Variants in STPG1 observed in about 807,000 individuals in gnomAD.
STPG1 encodes sperm tail PG-rich repeat containing 1.
A neutral mutation model predicts 40.1 loss-of-function variants in STPG1; 33 were observed. The ratio of observed to expected loss-of-function variants is 0.82; its 90% confidence interval spans 0.62 to 1.10. The LOEUF (loss-of-function observed/expected upper bound fraction) is 1.10. STPG1 is among the 50% of genes least tolerant of loss of function. The pLI, the probability that STPG1 is intolerant of heterozygous loss-of-function variation, is 0.00. For missense variants in STPG1, 396 were observed against 415.1 expected (o/e 0.95, Z 0.40); for synonymous variants, 150 against 155.0 (o/e 0.97, Z 0.24).
intron 3 of STPG1, among the ~76,000 whole-genome samples, chr1:24,388,631 C>A (rs780386306): frequency 1.3e-5 from 2 of 152,172 alleles, no homozygotes; most frequent in Non-Finnish European, 2.9e-5. Flanking sequence ...AGGACTACTG[C>A]GAGGAGGCAG....
At chr1:24,374,247 T>G (rs1332236870) in intron 5 of STPG1, among the ~76,000 whole-genome samples, 2 of 85,866 alleles carry the variant, frequency 2.3e-5, no homozygotes, top group East Asian at 3.7e-4. Context: ...GGAAAGTGTT[T>G]TTTTTTTTTG....
chr1:24,387,031 G>A (rs1642537969), intron 3 of STPG1, among the ~76,000 whole-genome samples: 1 of 152,146 alleles, frequency 6.6e-6, no homozygotes. Flanking sequence ...CACCACGCAC[G>A]ATGTTGCCTG....
chr1:24,361,982 C>T (rs925415562), intron 7 of STPG1, among the ~76,000 whole-genome samples: 2 of 152,180 alleles, frequency 1.3e-5, no homozygotes, highest in African/African-American at 4.8e-5. Context: ...ACTCTCCCAA[C>T]CATGTAATAG....
chr1:24,377,775 A>T (rs1249777514), intron 5 of STPG1, among the ~76,000 whole-genome samples: 1 of 152,194 alleles, frequency 6.6e-6, no homozygotes, highest in South Asian at 2.1e-4. Context: ...GGCTGGAATG[A>T]GGTGACTTTG....
chr1:24,364,197 C>T, intron 7 of STPG1: 2 of 1,515,902 alleles, frequency 1.3e-6, no homozygotes, highest in Admixed American at 2.3e-5. Flanking sequence ...AAACTTCTCT[C>T]CTCCACCCAC....
chr1:24,412,293 T>G (rs1310312579), intron 1 of STPG1, among the ~76,000 whole-genome samples: 2 of 152,178 alleles, frequency 1.3e-5, no homozygotes, highest in African/African-American at 4.8e-5. Context: ...CATGGGGAGC[T>G]CCTTTCCTCA....
chr1:24,388,232 GGT>G (rs1173460049), intron 3 of STPG1, among the ~76,000 whole-genome samples: 1 of 152,094 alleles, frequency 6.6e-6, no homozygotes, highest in African/African-American at 2.4e-5. Context: ...TGTCCTTAGG[GGT>G]ACACAGTTTG....
chr1:24,403,129 A>C (rs1570097085), intron 1 of STPG1, among the ~76,000 whole-genome samples: 1 of 152,172 alleles, frequency 6.6e-6, no homozygotes, highest in Non-Finnish European at 1.5e-5. Flanking sequence ...AACTGTGTAT[A>C]CAGTATTAAG....
At chr1:24,402,913 T>G (rs1240065960) in intron 1 of STPG1, among the ~76,000 whole-genome samples, 1 of 152,210 alleles carries the variant, frequency 6.6e-6, no homozygotes, top group East Asian at 1.9e-4. Flanking sequence ...TTTGCCTTTT[T>G]ATTTTCTTAA....
chr1:24,375,785 C>T (rs1166485274), intron 5 of STPG1, among the ~76,000 whole-genome samples: 1 of 152,010 alleles, frequency 6.6e-6, no homozygotes, highest in Admixed American at 6.6e-5. Context: ...TTATTTTTCA[C>T]CCAGACAGAA....
At position 24,373,787 on chromosome 1, in the gene STPG1, C is replaced by G; in HGVS notation, c.486G>C (p.Gln162His). The G allele has an allele frequency of 6.2e-7, 1 of 1,609,792 alleles. No individual in the cohort carries two copies. Among genetic ancestry groups the G allele is most frequent in the Non-Finnish European group, 8.5e-7 (1 of 1,176,274 alleles). The change falls in exon 6 of 9, where the codon CAG (glutamine) becomes CAC (histidine). Residue 162 changes from glutamine to histidine, a missense_variant. Physicochemically the swap from Gln to His is conservative, Grantham distance 24 (BLOSUM62 0). Coordinates refer to ENST00000337248, the MANE Select transcript of STPG1 (RefSeq NM_001199013.2). ...CGGCTCGAGTACAGACGTTGTTTCT[C>G]TGCTTGCAGCAAGAGACAGAGGCCT... ...YYNASVSCCK[Q>H]RNNVCTRAGF...
At chr1:24,387,530 C>A (rs1275432113) in intron 3 of STPG1, among the ~76,000 whole-genome samples, 3 of 152,120 alleles carry the variant, frequency 2.0e-5, no homozygotes, top group Admixed American at 6.5e-5. Context: ...GTCTGAGGAC[C>A]AGGAGCTGCT....
At chr1:24,370,658 AT>A in intron 6 of STPG1, among the ~76,000 whole-genome samples, 1 of 151,810 alleles carries the variant, frequency 6.6e-6, no homozygotes. Flanking sequence ...CGCCTGGCTA[AT>A]TTTTTGTATT....
chr1:24,364,616 T>C (rs1017888308), intron 7 of STPG1: 2 of 532,782 alleles, frequency 3.8e-6, no homozygotes, highest in Admixed American at 4.5e-5. Context: ...GCTGGCAGCA[T>C]GTAAAGGAGC....
chr1:24,365,675 C>T (rs779256928), intron 7 of STPG1, among the ~76,000 whole-genome samples: 10 of 152,236 alleles, frequency 6.6e-5, no homozygotes, highest in Non-Finnish European at 1.3e-4. Context: ...AGAGGACCCG[C>T]TCACCTGCTT....
In STPG1 at chr1:24,374,360, G is replaced by A. The variant is rs1641918488; in HGVS notation, c.463-550C>T. Reference sequence around the variant, plus strand: ...TGCAAGCTCTGCCTCCCGGGTTCACGCCATTCTCCTGCCTCAGCCTCCGGA... The same window carrying A: ...TGCAAGCTCTGCCTCCCGGGTTCACACCATTCTCCTGCCTCAGCCTCCGGA... On this transcript the variant is annotated intron_variant, in intron 5 of 8. Transcript: ENST00000337248. Among the ~76,000 whole-genome samples, 3 of 133,674 alleles carry A rather than the reference G, an allele frequency of 2.2e-5. No homozygotes were observed. The Admixed American group carries it at 2.6e-4, about 12-fold the overall frequency. 87.7% of individuals were successfully genotyped at this position (133,674 alleles called of 152,430 possible). A position where few individuals can be genotyped will look rare whatever the true frequency, so the allele number is the denominator to read the frequency against.
At chr1:24,366,386 C>T (rs534566940) in intron 7 of STPG1, among the ~76,000 whole-genome samples, 1 of 152,298 alleles carries the variant, frequency 6.6e-6, no homozygotes, top group East Asian at 1.9e-4. Context: ...CCTCCAGGGA[C>T]ACAGGAGAAA....
intron 3 of STPG1, among the ~76,000 whole-genome samples, chr1:24,384,889 G>GT (rs1642438730): frequency 6.6e-6 from 1 of 152,208 alleles, no homozygotes; most frequent in Non-Finnish European, 1.5e-5. Flanking sequence ...TCCCGCTGCT[G>GT]TAAGTGGCAG....
At chr1:24,388,363 C>T (rs1642605565) in intron 3 of STPG1, among the ~76,000 whole-genome samples, 1 of 152,200 alleles carries the variant, frequency 6.6e-6, no homozygotes, top group African/African-American at 2.4e-5. Context: ...GTCTCTTCAC[C>T]TACGCAAAGT....
Sources: gnomAD v4.1 joint callset for allele counts (sites outside exome capture counted in the v4.1 genomes callset) on GRCh38, gnomAD v4.1.1 for gene constraint, MANE v1.5 for transcripts, NCBI Gene and HGNC (gene_info 2026-07-23, HGNC 2026-07-21) for gene names.